The following CNTLN variants were observed in gnomAD, a reference collection of about 807,000 sequenced individuals.
CNTLN encodes the protein centlein, centrosomal protein.
In CNTLN, 212 loss-of-function variants were observed where a neutral mutation model predicts 180.0. That is an observed-to-expected ratio of 1.18 (90% CI 1.05 to 1.32). CNTLN has a LOEUF of 1.32. CNTLN is among the 40% of genes most tolerant of loss of function. The probability of loss-of-function intolerance (pLI) is 0.00; values close to 1 mark genes in which losing one functional copy is unlikely to be tolerated. For synonymous variants in CNTLN, 722 were observed against 563.1 expected, an observed-to-expected ratio of 1.28 and a Z score of -3.99; for missense variants, 2,095 against 1,610.9, an observed-to-expected ratio of 1.30 and a Z score of -5.14.
intron 2 of CNTLN, among the ~76,000 whole-genome samples, chr9:17,225,152 C>G (rs1160617873): frequency 6.6e-6 from 1 of 151,900 alleles, no homozygotes; most frequent in Non-Finnish European, 1.5e-5. Flanking sequence ...TAAACTTTTG[C>G]CTTTCTAGAC....
intron 2 of CNTLN, among the ~76,000 whole-genome samples, chr9:17,223,138 C>T (rs1184260440): frequency 6.6e-6 from 1 of 151,992 alleles, no homozygotes; most frequent in African/African-American, 2.4e-5. Context: ...GATTCATGTC[C>T]TACGTGAGTT....
chr9:17,284,883 T>A (rs942120495), intron 6 of CNTLN, among the ~76,000 whole-genome samples: 6 of 152,150 alleles, frequency 3.9e-5, no homozygotes, highest in African/African-American at 1.4e-4. Context: ...AGCTTTTTGA[T>A]GTGGGCAGTT....
chr9:17,158,345 GTTTTC>G (rs139238851), intron 2 of CNTLN, among the ~76,000 whole-genome samples: 4,633 of 152,144 alleles, frequency 0.03, 137 homozygotes, highest in East Asian at 0.17. Context: ...AGGTACTATA[GTTTTC>G]TTTTCTTGTA....
At chr9:17,232,818 A>C (rs942227129) in intron 3 of CNTLN, among the ~76,000 whole-genome samples, 2 of 152,020 alleles carry the variant, frequency 1.3e-5, no homozygotes, top group Non-Finnish European at 2.9e-5. Context: ...ATACTGAGAT[A>C]GTAAGGGAAG....
intron 12 of CNTLN, among the ~76,000 whole-genome samples, 169 bp downstream of exon 12, chr9:17,342,613 G>T (rs951264089): frequency 7.2e-5 from 11 of 152,166 alleles, no homozygotes; most frequent in Non-Finnish European, 1.3e-4. Flanking sequence ...TATGTATTAT[G>T]CAATAACAAG....
chr9:17,281,776 G>T (rs1463576439), intron 6 of CNTLN, among the ~76,000 whole-genome samples: 2 of 152,096 alleles, frequency 1.3e-5, no homozygotes, highest in African/African-American at 2.4e-5. Flanking sequence ...ATAATAGAAT[G>T]ATTTATATTA....
chr9:17,433,164 G>T (rs973019238), intron 18 of CNTLN, among the ~76,000 whole-genome samples: 1 of 151,894 alleles, frequency 6.6e-6, no homozygotes, highest in African/African-American at 2.4e-5. Flanking sequence ...AAATTGAAGA[G>T]TAAAAAAAGT....
intron 7 of CNTLN, chr9:17,301,557 G>C: frequency 1.0e-6 from 1 of 984,716 alleles, no homozygotes; most frequent in Non-Finnish European, 1.2e-6. Context: ...GGGGAGTGTG[G>C]GAGTAGGGGG....
chr9:17,447,136 C>T (rs148680503), intron 18 of CNTLN: 30 of 216,778 alleles, frequency 1.4e-4, no homozygotes, highest in East Asian at 7.8e-4. Flanking sequence ...TCTCCCGCTG[C>T]GGTGTCAGCT....
At chr9:17,236,676 A>C in intron 5 of CNTLN, 88 bp downstream of exon 5, 1 of 1,009,266 alleles carries the variant, frequency 9.9e-7, no homozygotes. Flanking sequence ...TTAACAACTT[A>C]TATATTCATA....
At chr9:17,301,269 T>C in intron 7 of CNTLN, 1 of 985,408 alleles carries the variant, frequency 1.0e-6, no homozygotes, top group Non-Finnish European at 1.2e-6. Context: ...GTAACCTAAA[T>C]TGTGATCTGG....
rs755098433 is a variant in CNTLN at position 17,309,205 on chromosome 9, G to A, written c.1294G>A (p.Ala432Thr). The stretch of plus-strand genomic sequence containing the variant: ...AGAAAAACTTCAGGAATCACAGGGA[G>A]CACCTCTTCCTTTACCTCAAGAAAG... ...LKEKLQESQG[A>T]PLPLPQESDP... The change falls in exon 8 of 26, where the codon GCA becomes ACA. Residue 432 changes from alanine to threonine, a missense_variant. By Grantham distance (58) the Ala-to-Thr change is moderately conservative. Transcript: ENST00000380647. 6 of 1,606,610 alleles carry A rather than the reference G, an allele frequency of 3.7e-6. No individual in the cohort carries two copies. The Admixed American group carries it at 5.1e-5, about 14-fold the overall frequency.
chr9:17,237,411 A>G (rs970460509), intron 5 of CNTLN, among the ~76,000 whole-genome samples: 1 of 147,698 alleles, frequency 6.8e-6, no homozygotes, highest in Non-Finnish European at 1.5e-5. Context: ...ACACACGGTT[A>G]GTCAACAGTT....
At chr9:17,426,409 A>G (rs1191741226) in intron 18 of CNTLN, among the ~76,000 whole-genome samples, 2 of 152,154 alleles carry the variant, frequency 1.3e-5, no homozygotes, top group African/African-American at 4.8e-5. Flanking sequence ...TAAAAAGTAG[A>G]CTAATATCCA....
intron 19 of CNTLN, among the ~76,000 whole-genome samples, chr9:17,459,905 T>G (rs1264559019): frequency 6.6e-6 from 1 of 151,718 alleles, no homozygotes. Context: ...GAGGGTTCGG[T>G]GAGAACTTCT....
chr9:17,455,987 A>T (rs938665382), intron 18 of CNTLN, among the ~76,000 whole-genome samples: 2 of 152,156 alleles, frequency 1.3e-5, no homozygotes, highest in Non-Finnish European at 2.9e-5. Context: ...AGTTTTAGGA[A>T]GTTGTATAAA....
At chr9:17,209,703 A>C (rs1440687016) in intron 2 of CNTLN, among the ~76,000 whole-genome samples, 1 of 152,134 alleles carries the variant, frequency 6.6e-6, no homozygotes, top group Non-Finnish European at 1.5e-5. Context: ...TTGTCTTGAA[A>C]TCTGTTTTGT....
chr9:17,439,526 G>A (rs1042098724), intron 18 of CNTLN, among the ~76,000 whole-genome samples: 1 of 152,140 alleles, frequency 6.6e-6, no homozygotes, highest in East Asian at 1.9e-4. Context: ...AACACAGATG[G>A]AAACTTTTAG....
chr9:17,445,293 C>G (rs1030467257), intron 18 of CNTLN, among the ~76,000 whole-genome samples: 1 of 151,806 alleles, frequency 6.6e-6, no homozygotes, highest in African/African-American at 2.4e-5. Flanking sequence ...GGCTTTCATC[C>G]AAGCACTTTA....
Sources: allele counts gnomAD v4.1 joint callset (sites outside exome capture counted in the v4.1 genomes callset), GRCh38; gene constraint gnomAD v4.1.1; transcripts MANE v1.5; gene names NCBI Gene and HGNC (gene_info 2026-07-23, HGNC 2026-07-21).